MCHR2: variants seen among roughly 807,000 people sequenced by gnomAD.
The protein encoded by MCHR2 is melanin-concentrating hormone receptor 2.
Under a neutral mutation model 24.8 loss-of-function variants are expected in MCHR2, and 15 were observed. That is an observed-to-expected ratio of 0.60 (90% CI 0.40 to 0.93). MCHR2 has a LOEUF of 0.93. MCHR2 is among the 40% of genes least tolerant of loss of function. MCHR2 has a pLI of 0.00. For missense variants in MCHR2, 386 were observed against 408.7 expected (o/e 0.94, Z 0.48); for synonymous variants, 151 against 147.6 (o/e 1.02, Z -0.17).
chr6:99,929,789 T>C (rs1352034230), intron 5 of MCHR2, among the ~76,000 whole-genome samples: 1 of 151,140 alleles, frequency 6.6e-6, no homozygotes, highest in Non-Finnish European at 1.5e-5. Context: ...TGACTCTTTA[T>C]CCAATTTGCC....
chr6:99,967,867 C>G (rs1053983178), intron 1 of MCHR2, among the ~76,000 whole-genome samples: 1 of 152,166 alleles, frequency 6.6e-6, no homozygotes, highest in East Asian at 1.9e-4. Context: ...TGTGAAATCT[C>G]TATTTCAGTG....
intron 2 of MCHR2, among the ~76,000 whole-genome samples, 169 bp downstream of exon 2, chr6:99,955,797 T>C (rs1465139907): frequency 1.3e-5 from 2 of 152,128 alleles, no homozygotes; most frequent in Admixed American, 6.6e-5. Context: ...TGTTACCTAA[T>C]GCATGACGAA....
intron 1 of MCHR2, among the ~76,000 whole-genome samples, chr6:99,986,817 C>G (rs929650600): frequency 4.0e-5 from 6 of 150,164 alleles, no homozygotes; most frequent in African/African-American, 7.3e-5. Context: ...ATACATGGAC[C>G]CTTAAGTATA....
At chr6:99,938,854 T>A (rs970082694) in intron 4 of MCHR2, among the ~76,000 whole-genome samples, 2 of 152,132 alleles carry the variant, frequency 1.3e-5, no homozygotes, top group African/African-American at 2.4e-5. Context: ...GTTTGCTCTA[T>A]ATATTTGGGA....
At position 99,946,061 on chromosome 6, in the gene MCHR2, C is replaced by T. The variant is rs1456016382; in HGVS notation, c.392+1701G>A. 2.0e-5 allele frequency among the ~76,000 whole-genome samples: 3 copies of T among 151,518 alleles called. No individual in the cohort carries two copies. In the East Asian group the frequency reaches 5.8e-4, roughly 29 times the overall value. ...AAAAAAGCCAATATTCTCCTGCATC[C>T]AAGGCACAGTATATAAAGAAGCTCG... On this transcript the variant is annotated intron_variant, in intron 3 of 5. Coordinates refer to ENST00000281806, the MANE Select transcript of MCHR2 (RefSeq NM_001040179.2).
chr6:99,971,506 A>G (rs1479486917), intron 1 of MCHR2, among the ~76,000 whole-genome samples: 1 of 152,202 alleles, frequency 6.6e-6, no homozygotes, highest in Non-Finnish European at 1.5e-5. Flanking sequence ...ACATCTGCAA[A>G]CAGGGACAAT....
chr6:99,958,852 A>G (rs1053402734), intron 1 of MCHR2, among the ~76,000 whole-genome samples: 6 of 152,144 alleles, frequency 3.9e-5, no homozygotes, highest in African/African-American at 1.4e-4. Flanking sequence ...CCATTGTTCT[A>G]ACTTTCAAGG....
intron 5 of MCHR2, among the ~76,000 whole-genome samples, chr6:99,928,382 C>G (rs1027572871): frequency 6.6e-6 from 1 of 152,244 alleles, no homozygotes; most frequent in Admixed American, 6.5e-5. Context: ...CCCTCTTTTT[C>G]TATTGATTGG....
intron 5 of MCHR2, among the ~76,000 whole-genome samples, chr6:99,929,871 T>C (rs1490511833): frequency 6.7e-6 from 1 of 150,056 alleles, no homozygotes; most frequent in Non-Finnish European, 1.5e-5. Context: ...GTGAATTTGA[T>C]CCTGTCATTA....
chr6:99,925,977 C>A (rs1774346758), intron 5 of MCHR2, among the ~76,000 whole-genome samples: 1 of 151,982 alleles, frequency 6.6e-6, no homozygotes, highest in Admixed American at 6.6e-5. Context: ...AATGCTATCC[C>A]TTCCCCCTGC....
chr6:99,923,475 A>G (rs1224516617), intron 5 of MCHR2, among the ~76,000 whole-genome samples: 4 of 152,126 alleles, frequency 2.6e-5, no homozygotes, highest in Admixed American at 1.3e-4. Flanking sequence ...TCCAAATCTT[A>G]GAGGGAAGTC....
chr6:99,977,443 T>C (rs901141274), intron 1 of MCHR2, among the ~76,000 whole-genome samples: 1 of 152,162 alleles, frequency 6.6e-6, no homozygotes, highest in Non-Finnish European at 1.5e-5. Context: ...ACCCTGCTCC[T>C]GAGACTGTTC....
chr6:99,931,769 T>C (rs1774548335), intron 5 of MCHR2, among the ~76,000 whole-genome samples: 2 of 152,160 alleles, frequency 1.3e-5, no homozygotes, highest in African/African-American at 2.4e-5. Flanking sequence ...GAAAGGGAAC[T>C]CCCTGACCCC....
At chr6:99,928,602 T>C (rs1284067946) in intron 5 of MCHR2, among the ~76,000 whole-genome samples, 1 of 152,256 alleles carries the variant, frequency 6.6e-6, no homozygotes, top group Non-Finnish European at 1.5e-5. Context: ...CCATTTCTTC[T>C]AGATTTTTTA....
chr6:99,968,774 T>C (rs1322087165), intron 1 of MCHR2, among the ~76,000 whole-genome samples: 1 of 152,110 alleles, frequency 6.6e-6, no homozygotes, highest in African/African-American at 2.4e-5. Context: ...ATTGAAATCA[T>C]ATAGTGTTTT....
At chr6:99,924,814 C>G (rs7450231) in intron 5 of MCHR2, among the ~76,000 whole-genome samples, 25,173 of 151,914 alleles carry the variant, frequency 0.17, 2,243 homozygotes, top group African/African-American at 0.19. Context: ...GTTTTGTGAC[C>G]TAACATATGT....
rs191675602 is a variant in MCHR2, at chr6:99,954,918, A to G, written c.182+1048T>C. On this transcript the variant is annotated intron_variant, in intron 2 of 5. Transcript: ENST00000281806. ...ATAAGGTATAAGTGAGACATAATGA[A>G]TTTTGTATTTAGACTTGGTCCCTTC... Among the ~76,000 whole-genome samples the G allele has an allele frequency of 2.4e-3, 373 of 152,288 alleles. 3 individuals are homozygous for G. The highest frequency in any genetic ancestry group is 3.0e-3 in the Non-Finnish European group (201 of 68,010).
At chr6:99,943,937 G>C (rs192647755) in intron 3 of MCHR2, among the ~76,000 whole-genome samples, 1 of 152,256 alleles carries the variant, frequency 6.6e-6, no homozygotes, top group East Asian at 1.9e-4. Context: ...AGAAAATGTG[G>C]GGTTAAGAGA....
At position 99,942,821 on chromosome 6, in the gene MCHR2, C is replaced by A; in HGVS notation, c.587+128G>T. On this transcript the variant is annotated intron_variant, in intron 4 of 5. Coordinates refer to ENST00000281806, the MANE Select transcript of MCHR2 (RefSeq NM_001040179.2). ...CACCTTGATTGTATGTGTGGAGAAACCTAATGGAGATACTGGCGAGAAGAG... is the reference window on the plus strand; with the variant it reads ...CACCTTGATTGTATGTGTGGAGAAAACTAATGGAGATACTGGCGAGAAGAG... 4 of 673,906 alleles carry A rather than the reference C, an allele frequency of 5.9e-6. No individual in the cohort carries two copies. The South Asian group carries it at 1.2e-4, about 19-fold the overall frequency. The allele number at this position is 673,906 out of a possible 1,614,324, so 41.7% of individuals were successfully genotyped here.
Sources: gnomAD v4.1 joint callset for allele counts (sites outside exome capture counted in the v4.1 genomes callset) on GRCh38, gnomAD v4.1.1 for gene constraint, MANE v1.5 for transcripts, NCBI Gene and HGNC (gene_info 2026-07-23, HGNC 2026-07-21) for gene names.